Variants in CENPW observed in about 807,000 individuals in gnomAD.
The protein encoded by CENPW is centromere protein W, also known as cancer-up-regulated gene 2 protein.
In CENPW, 3 loss-of-function variants were observed where a neutral mutation model predicts 11.1. The ratio of observed to expected loss-of-function variants is 0.27; its 90% CI spans 0.12 to 0.70. The LOEUF is 0.70. Ranked by LOEUF, CENPW falls within the 30% of genes least tolerant of loss-of-function variation. The pLI is 0.77. For synonymous variants in CENPW, 38 were observed against 42.0 expected, an observed-to-expected ratio of 0.91 and a Z score of 0.37; for missense variants, 100 against 105.6, an observed-to-expected ratio of 0.95 and a Z score of 0.23.
chr6:126,386,771 A>G, the CENPW span, among the ~76,000 whole-genome samples: 2 of 152,028 alleles, frequency 1.3e-5, no homozygotes, highest in East Asian at 1.9e-4. Flanking sequence ...AAAGATGAAT[A>G]AGACATGAAC....
chr6:126,437,598 T>A, the CENPW span, among the ~76,000 whole-genome samples: 1 of 151,970 alleles, frequency 6.6e-6, no homozygotes. Flanking sequence ...ATATACTTAC[T>A]GAGTAATGGA....
At chr6:126,379,655 T>C in the CENPW span, among the ~76,000 whole-genome samples, 3 of 152,182 alleles carry the variant, frequency 2.0e-5, no homozygotes, top group African/African-American at 7.2e-5. Flanking sequence ...AAGTCAAAGT[T>C]GTTGCAAATC....
the CENPW span, among the ~76,000 whole-genome samples, chr6:126,451,461 C>T: frequency 6.6e-6 from 1 of 151,064 alleles, no homozygotes; most frequent in Non-Finnish European, 1.5e-5. Context: ...AGGAAAAGCC[C>T]TCTAGTTCCA....
the CENPW span, among the ~76,000 whole-genome samples, chr6:126,413,673 A>G: frequency 6.6e-6 from 1 of 152,004 alleles, no homozygotes; most frequent in Non-Finnish European, 1.5e-5. Flanking sequence ...ACAGATACAC[A>G]AAAGAAAAGG....
the CENPW span, among the ~76,000 whole-genome samples, chr6:126,411,831 G>C: frequency 6.6e-6 from 1 of 152,040 alleles, no homozygotes; most frequent in African/African-American, 2.4e-5. Context: ...TTAGGTTTTT[G>C]TTTATCTGGA....
the CENPW span, among the ~76,000 whole-genome samples, chr6:126,378,847 C>T: frequency 6.6e-6 from 1 of 151,970 alleles, no homozygotes; most frequent in Non-Finnish European, 1.5e-5. Context: ...AGAAAAAAAT[C>T]ACATAGAAAT....
downstream of CENPW, among the ~76,000 whole-genome samples, chr6:126,351,358 C>T (rs533569879): frequency 6.6e-6 from 1 of 152,120 alleles, no homozygotes; most frequent in South Asian, 2.1e-4. Flanking sequence ...AAAATTATAA[C>T]TCCAGCATTT....
At chr6:126,387,483 C>G in the CENPW span, among the ~76,000 whole-genome samples, 1 of 151,880 alleles carries the variant, frequency 6.6e-6, no homozygotes, top group Non-Finnish European at 1.5e-5. Flanking sequence ...TATTATATGC[C>G]TTTCAAGTGC....
chr6:126,431,610 C>G, the CENPW span, among the ~76,000 whole-genome samples: 1 of 152,156 alleles, frequency 6.6e-6, no homozygotes, highest in Non-Finnish European at 1.5e-5. Context: ...AATTCTAACA[C>G]ACTACTTGCT....
the CENPW span, among the ~76,000 whole-genome samples, chr6:126,454,022 ACTAT>A: frequency 6.6e-6 from 1 of 151,542 alleles, no homozygotes; most frequent in Non-Finnish European, 1.5e-5. Context: ...AGAAGACCTA[ACTAT>A]CCTGAATATA....
the CENPW span, among the ~76,000 whole-genome samples, chr6:126,397,636 G>A: frequency 6.6e-6 from 1 of 152,028 alleles, no homozygotes. Flanking sequence ...AATCAGTGGA[G>A]GCCTCTATTC....
chr6:126,367,486 G>A, the CENPW span, among the ~76,000 whole-genome samples: 11 of 152,032 alleles, frequency 7.2e-5, no homozygotes, highest in Non-Finnish European at 1.3e-4. Context: ...AAGGATAAAG[G>A]AGGGTTGACA....
At chr6:126,478,786 G>A in the CENPW span, among the ~76,000 whole-genome samples, 1 of 151,972 alleles carries the variant, frequency 6.6e-6, no homozygotes, top group African/African-American at 2.4e-5. Context: ...ATGCTGTGAT[G>A]TGTGAAGGAG....
At chr6:126,446,356 G>A in the CENPW span, among the ~76,000 whole-genome samples, 7 of 122,988 alleles carry the variant, frequency 5.7e-5, no homozygotes, top group Admixed American at 3.5e-4. Flanking sequence ...CCCCCTCCCT[G>A]GCCCCCCCAC....
chr6:126,418,325 A>T, the CENPW span, among the ~76,000 whole-genome samples: 2 of 152,248 alleles, frequency 1.3e-5, no homozygotes, highest in Non-Finnish European at 2.9e-5. Context: ...TCATAGTAAC[A>T]AAAAAGTGGA....
downstream of CENPW, among the ~76,000 whole-genome samples, chr6:126,351,895 C>G (rs1283352539): frequency 1.3e-5 from 2 of 151,910 alleles, no homozygotes; most frequent in Non-Finnish European, 2.9e-5. Flanking sequence ...AATATAGCAC[C>G]TTGTGGCTGT....
intron 1 of CENPW, among the ~76,000 whole-genome samples, chr6:126,344,117 G>A (rs548616488): frequency 4.3e-4 from 65 of 152,200 alleles, no homozygotes; most frequent in Non-Finnish European, 8.1e-4. Flanking sequence ...TAAGCAATGT[G>A]TTAAGGGACA....
downstream of CENPW, among the ~76,000 whole-genome samples, chr6:126,350,431 G>C (rs1341233732): frequency 1.3e-5 from 2 of 152,066 alleles, no homozygotes; most frequent in East Asian, 3.9e-4. Context: ...AAAGGCCAGA[G>C]AGCTCTCTGC....
chr6:126,421,874 A>C, the CENPW span, among the ~76,000 whole-genome samples: 1 of 152,092 alleles, frequency 6.6e-6, no homozygotes, highest in African/African-American at 2.4e-5. Flanking sequence ...CTGCTCCACT[A>C]TTATTTTCAT....
Sources: gnomAD v4.1 joint callset for allele counts (sites outside exome capture counted in the v4.1 genomes callset) on GRCh38, gnomAD v4.1.1 for gene constraint, MANE v1.5 for transcripts, NCBI Gene and HGNC (gene_info 2026-07-23, HGNC 2026-07-21) for gene names.